Variants in EPB41L3 observed in about 807,000 individuals in gnomAD.
EPB41L3 encodes erythrocyte membrane protein band 4.1 like 3.
EPB41L3 carries 57 observed loss-of-function variants against 127.1 expected under a neutral mutation model. The observed-to-expected ratio is 0.45, with a 90% CI of 0.36 to 0.56. EPB41L3 has a LOEUF of 0.56. EPB41L3 is among the 20% of genes least tolerant of loss of function. The probability of loss-of-function intolerance (pLI) is 0.00; values close to 1 mark genes in which losing one functional copy is unlikely to be tolerated. For synonymous variants in EPB41L3, 572 were observed against 549.5 expected (o/e 1.04, Z -0.57); for missense variants, 1,273 against 1,372.2 (o/e 0.93, Z 1.14).
chr18:5,625,224 G>C (rs1321635892), intron 1 of EPB41L3, among the ~76,000 whole-genome samples: 2 of 152,068 alleles, frequency 1.3e-5, no homozygotes, highest in Admixed American at 1.3e-4. Flanking sequence ...AACTGAACTG[G>C]AAGCAGAAGT....
In EPB41L3 at chr18:5,397,907, G is replaced by T; in HGVS notation, c.2472+114C>A. 8.2e-7 allele frequency: 1 copy of T among 1,224,660 alleles called. No homozygotes were observed. Among genetic ancestry groups the T allele is most frequent in the Non-Finnish European group, 1.2e-6 (1 of 852,282 alleles). The allele number at this position is 1,224,660 out of a possible 1,614,324, so 75.9% of individuals were successfully genotyped here. Reference sequence around the variant, plus strand: ...AAGGACAATAAGTGAAGACACCTTTGAGATGTTGAAGGCAAAGCCAGCTGG... The same window carrying T: ...AAGGACAATAAGTGAAGACACCTTTTAGATGTTGAAGGCAAAGCCAGCTGG... On this transcript the variant is annotated intron_variant, in intron 17 of 22. Transcript: ENST00000341928. The surrounding 1 kb of genome is among the most constrained non-coding windows in gnomAD (Gnocchi z 4.1).
intron 6 of EPB41L3, among the ~76,000 whole-genome samples, chr18:5,435,068 A>C (rs2079561282): frequency 6.6e-6 from 1 of 152,236 alleles, no homozygotes; most frequent in African/African-American, 2.4e-5. Context: ...TTTAAAAGTA[A>C]AAACAAATTA....
intron 1 of EPB41L3, among the ~76,000 whole-genome samples, chr18:5,623,340 C>G (rs2094886299): frequency 6.6e-6 from 1 of 152,170 alleles, no homozygotes; most frequent in Non-Finnish European, 1.5e-5. Context: ...TTTCTCATAA[C>G]TCAGGAGGTT....
chr18:5,512,318 T>C (rs1475937963), intron 1 of EPB41L3, among the ~76,000 whole-genome samples: 1 of 152,202 alleles, frequency 6.6e-6, no homozygotes, highest in Non-Finnish European at 1.5e-5. Flanking sequence ...GAATGGGCAC[T>C]CAACCTTGAC....
rs1461711792 is a variant in EPB41L3 at position 5,405,038 on chromosome 18, T to A, written c.2349+1739A>T. Among the ~76,000 whole-genome samples the A allele has an allele frequency of 5.9e-5, 9 of 152,350 alleles. No homozygotes were observed. The East Asian group carries it at 1.2e-3, about 20-fold the overall frequency. The stretch of plus-strand genomic sequence containing the variant: ...TATGGTGGTAGTCGTACTTTTCACT[T>A]ATTCTGCATAAAAGGGTCCTTTTTA... On this transcript the variant is annotated intron_variant, in intron 16 of 22. Transcript: ENST00000341928.
chr18:5,419,667 T>G lies in EPB41L3; in HGVS notation c.1506+44A>C, dbSNP rs749846114. On this transcript the variant is annotated intron_variant, in intron 12 of 22. Coordinates refer to ENST00000341928, the MANE Select transcript of EPB41L3 (RefSeq NM_012307.5). ...CAGCCTCAGCATCATTTAGTCATTC[T>G]TAAAAGCTGGAGCAAGCTCTTGCAG... 5.0e-6 allele frequency: 8 copies of G among 1,610,114 alleles called. No homozygotes were observed. The South Asian group carries it at 7.7e-5, about 16-fold the overall frequency.
chr18:5,424,756 G>A (rs567855148), intron 9 of EPB41L3, among the ~76,000 whole-genome samples: 217 of 152,242 alleles, frequency 1.4e-3, no homozygotes, highest in African/African-American at 5.1e-3. Context: ...TGAACAAAAT[G>A]TTTACAAATA....
chr18:5,441,534 C>T lies in EPB41L3; in HGVS notation c.529+2304G>A, dbSNP rs182740648. Among the ~76,000 whole-genome samples, 249 of 150,700 alleles carry T rather than the reference C, an allele frequency of 1.7e-3. 1 individual carries two copies. The highest frequency in any genetic ancestry group is 5.8e-3 in the African/African-American group (236 of 40,568). ...AGGCTGGAGCGCAGTGGCGCGATCT[C>T]GACTCACTGCAAGCTCCGCCTCCCG... is the stretch of plus-strand genomic sequence containing the variant. On this transcript the variant is annotated intron_variant, in intron 5 of 22. Coordinates refer to ENST00000341928, the MANE Select transcript of EPB41L3 (RefSeq NM_012307.5).
chr18:5,612,152 C>A (rs2094734108), intron 3 of EPB41L3, among the ~76,000 whole-genome samples: 1 of 150,340 alleles, frequency 6.7e-6, no homozygotes, highest in African/African-American at 2.4e-5. Context: ...CCTGTGTAGA[C>A]CCAATCTTGA....
chr18:5,576,204 A>G (rs1402588017), intron 3 of EPB41L3, among the ~76,000 whole-genome samples: 4 of 152,252 alleles, frequency 2.6e-5, no homozygotes, highest in African/African-American at 7.2e-5. Flanking sequence ...AAAATTAGAC[A>G]CTTAAAGAAA....
At chr18:5,572,596 C>T (rs1461322722) in intron 3 of EPB41L3, among the ~76,000 whole-genome samples, 1 of 152,130 alleles carries the variant, frequency 6.6e-6, no homozygotes, top group Non-Finnish European at 1.5e-5. Context: ...TTTTTAGAGA[C>T]AGGGTCTCAC....
chr18:5,550,117 A>G (rs962745641), intron 3 of EPB41L3, among the ~76,000 whole-genome samples: 3 of 152,224 alleles, frequency 2.0e-5, no homozygotes, highest in Non-Finnish European at 2.9e-5. Flanking sequence ...AAGTTTTTAC[A>G]AAGTTGCCAA....
chr18:5,625,321 G>A lies in EPB41L3; in HGVS notation c.-468+3601C>T, dbSNP rs1424674765. On this transcript the variant is annotated intron_variant, in intron 1 of 21. Transcript: ENST00000545076. Reference sequence around the variant, plus strand: ...AAGAGCCAGAGCCAGGACTGGTGGGGATCTGATAGAAAGGAAGTGGCAGTG... The same window carrying A: ...AAGAGCCAGAGCCAGGACTGGTGGGAATCTGATAGAAAGGAAGTGGCAGTG... Among the ~76,000 whole-genome samples, 3 of 151,922 alleles carry A rather than the reference G, an allele frequency of 2.0e-5. No homozygotes were observed. In the East Asian group the frequency reaches 5.8e-4, roughly 29 times the overall value.
At chr18:5,558,669 G>A (rs1232636369) in intron 3 of EPB41L3, among the ~76,000 whole-genome samples, 3 of 152,210 alleles carry the variant, frequency 2.0e-5, no homozygotes, top group Non-Finnish European at 4.4e-5. Context: ...CAAGGCCTCA[G>A]TGTCTTCACT....
chr18:5,624,636 T>G (rs1381815494), intron 1 of EPB41L3, among the ~76,000 whole-genome samples: 4 of 152,184 alleles, frequency 2.6e-5, no homozygotes, highest in Non-Finnish European at 4.4e-5. Flanking sequence ...TGACATGGGA[T>G]TGGAACAACA....
rs1228640954 is a variant in EPB41L3, at chr18:5,397,141, C to T, written c.2758G>A (p.Ala920Thr). The T allele has an allele frequency of 2.5e-6, 4 of 1,614,214 alleles. No individual in the cohort carries two copies. Among genetic ancestry groups the T allele is most frequent in the South Asian group, 2.2e-5 (2 of 91,082 alleles). ...AKAVLEQEET[A>T]AASRERQEEQ... ...TCTTGTCGCTCACGGGAAGCAGCGG[C>T]TGTCTCTTCCTGTTCCAGGACAGCT... Residue 920 changes from alanine to threonine, a missense_variant, in exon 18 of 23, where the codon GCC (alanine) becomes ACC (threonine). Coordinates refer to ENST00000341928, the MANE Select transcript of EPB41L3 (RefSeq NM_012307.5). The surrounding 1 kb of genome is among the most constrained non-coding windows in gnomAD (Gnocchi z 4.1).
At chr18:5,426,212 T>C (rs1024250298) in intron 9 of EPB41L3, among the ~76,000 whole-genome samples, 2 of 152,198 alleles carry the variant, frequency 1.3e-5, no homozygotes, top group African/African-American at 4.8e-5. Context: ...ATACAGTTGA[T>C]AACTCTGTTC....
intron 3 of EPB41L3, among the ~76,000 whole-genome samples, chr18:5,457,224 A>G (rs2083239373): frequency 6.7e-6 from 1 of 149,510 alleles, no homozygotes; most frequent in African/African-American, 2.4e-5. Flanking sequence ...CAAACATTCT[A>G]TTCAAGCAAA....
intron 1 of EPB41L3, among the ~76,000 whole-genome samples, chr18:5,532,190 T>G (rs2093433137): frequency 6.6e-6 from 1 of 152,178 alleles, no homozygotes; most frequent in Non-Finnish European, 1.5e-5. Flanking sequence ...ACAGGAGCAT[T>G]CCACATGCCA....
Sources: allele counts gnomAD v4.1 joint callset (sites outside exome capture counted in the v4.1 genomes callset), GRCh38; gene constraint gnomAD v4.1.1; non-coding constraint Gnocchi (gnomAD v3.1); transcripts MANE v1.5; gene names NCBI Gene and HGNC (gene_info 2026-07-23, HGNC 2026-07-21).